JAM2: variants seen among roughly 807,000 people sequenced by gnomAD.
The protein encoded by JAM2 is junctional adhesion molecule B.
JAM2 carries 17 observed loss-of-function variants against 42.0 expected under a neutral mutation model. The ratio of observed to expected loss-of-function variants is 0.40; its 90% CI spans 0.28 to 0.61. The LOEUF (loss-of-function observed/expected upper bound fraction) is 0.61, where lower values mean the gene tolerates loss of function less well. Ranked by LOEUF, JAM2 falls within the 20% of genes least tolerant of loss-of-function variation. JAM2 has a pLI of 0.37. For missense variants in JAM2, 319 were observed against 358.3 expected, an observed-to-expected ratio of 0.89 and a Z score of 0.89; for synonymous variants, 118 against 128.6, an observed-to-expected ratio of 0.92 and a Z score of 0.56.
chr21:25,673,667 G>T (rs1348489909), intron 1 of JAM2, among the ~76,000 whole-genome samples: 1 of 152,160 alleles, frequency 6.6e-6, no homozygotes, highest in Non-Finnish European at 1.5e-5. Flanking sequence ...ACTGATTTGA[G>T]GGCAGGGAGA....
At chr21:25,706,423 C>A (rs960280153) in intron 7 of JAM2, among the ~76,000 whole-genome samples, 7 of 152,180 alleles carry the variant, frequency 4.6e-5, no homozygotes, top group African/African-American at 1.7e-4. Context: ...CTCAAGTGAT[C>A]TGCCTGCCTT....
At chr21:25,683,567 T>C (rs1160182120) in intron 1 of JAM2, among the ~76,000 whole-genome samples, 2 of 152,158 alleles carry the variant, frequency 1.3e-5, no homozygotes, top group African/African-American at 4.8e-5. Flanking sequence ...CTAGATTGCA[T>C]ATTAAGCTGA....
intron 1 of JAM2, among the ~76,000 whole-genome samples, chr21:25,675,461 A>T (rs994835128): frequency 6.6e-6 from 1 of 151,716 alleles, no homozygotes; most frequent in Non-Finnish European, 1.5e-5. Context: ...GCGCCATTGC[A>T]CTCTAGCCTT....
chr21:25,654,443 G>A (rs997863760), intron 1 of JAM2, among the ~76,000 whole-genome samples: 3 of 151,998 alleles, frequency 2.0e-5, no homozygotes, highest in Admixed American at 6.6e-5. Context: ...GAGGTCAGGA[G>A]TTGAGACCAG....
At chr21:25,710,460 G>GCCTACCCTTTGTAT (rs2034360369) in intron 8 of JAM2, among the ~76,000 whole-genome samples, 1 of 152,172 alleles carries the variant, frequency 6.6e-6, no homozygotes, top group African/African-American at 2.4e-5. Context: ...AATACAAAGG[G>GCCTACCCTTTGTAT]TAGGAGTAGA....
intron 1 of JAM2, among the ~76,000 whole-genome samples, chr21:25,679,510 T>C (rs1040241346): frequency 1.4e-4 from 22 of 152,316 alleles, no homozygotes; most frequent in Admixed American, 1.4e-3. Context: ...CTTGGGGGCA[T>C]GGTGATACCG....
chr21:25,640,806 CTTCT>C (rs1464404584), intron 1 of JAM2, among the ~76,000 whole-genome samples: 3 of 138,770 alleles, frequency 2.2e-5, no homozygotes, highest in East Asian at 4.1e-4. Context: ...CTTTCTCTTT[CTTCT>C]TTCTTTCTCT....
At chr21:25,682,002 T>C (rs2033644367) in intron 1 of JAM2, among the ~76,000 whole-genome samples, 1 of 152,160 alleles carries the variant, frequency 6.6e-6, no homozygotes, top group South Asian at 2.1e-4. Context: ...AAAAAAGAAT[T>C]GCTTGCCTTC....
At chr21:25,674,026 G>A (rs1442315319) in intron 1 of JAM2, among the ~76,000 whole-genome samples, 9 of 152,122 alleles carry the variant, frequency 5.9e-5, no homozygotes, top group South Asian at 2.1e-4. Context: ...TGTGCCTTTT[G>A]CCTTCCACCA....
chr21:25,689,019 G>GT (rs67360261), intron 2 of JAM2, among the ~76,000 whole-genome samples: 436 of 142,828 alleles, frequency 3.1e-3, no homozygotes, highest in African/African-American at 4.7e-3. Flanking sequence ...TGGGTTTTTT[G>GT]TTTTTTTTTT....
At chr21:25,667,110 C>A (rs912725324) in intron 1 of JAM2, among the ~76,000 whole-genome samples, 1 of 152,120 alleles carries the variant, frequency 6.6e-6, no homozygotes, top group African/African-American at 2.4e-5. Context: ...GCAATTTTAC[C>A]CGTGGCCAAC....
At chr21:25,664,458 C>A (rs9980064) in intron 1 of JAM2, among the ~76,000 whole-genome samples, 67,080 of 151,964 alleles carry the variant, frequency 0.44, 18,429 homozygotes, top group African/African-American at 0.76. Flanking sequence ...CTGGTCTCGA[C>A]CTCCTGGCCT....
intron 1 of JAM2, among the ~76,000 whole-genome samples, chr21:25,656,331 G>A (rs2032939255): frequency 6.6e-6 from 1 of 152,132 alleles, no homozygotes; most frequent in South Asian, 2.1e-4. Flanking sequence ...TCTTACATTT[G>A]ACACATCAAC....
At position 25,706,047 on chromosome 21, in the gene JAM2, C is replaced by A; in HGVS notation, c.766C>A (p.Leu256Ile). The change falls in exon 7 of 10, where the codon CTT becomes ATT. Residue 256 changes from leucine (L) to isoleucine (I), a missense_variant. Transcript: ENST00000480456. ...VVALVISVCG[L>I]GVCYAQRKGY... The stretch of plus-strand genomic sequence containing the variant: ...GGCCTTAGTGATTTCCGTTTGTGGC[C>A]TTGGTGTATGCTATGCTCAGAGGAA... 1.2e-6 allele frequency: 2 copies of A among 1,613,690 alleles called. No individual in the cohort carries two copies. Among genetic ancestry groups the A allele is most frequent in the Non-Finnish European group, 1.7e-6 (2 of 1,179,622 alleles).
At chr21:25,713,946 T>C (rs759032347) in intron 9 of JAM2, among the ~76,000 whole-genome samples, 6 of 152,238 alleles carry the variant, frequency 3.9e-5, no homozygotes, top group Non-Finnish European at 8.8e-5. Context: ...TTCAGTTCTC[T>C]TGTGCCCTAC....
At chr21:25,712,465 G>T in intron 9 of JAM2, 83 bp downstream of exon 9, 1 of 991,150 alleles carries the variant, frequency 1.0e-6, no homozygotes, top group Non-Finnish European at 1.6e-6. Context: ...TGGACTTTGT[G>T]AATTTTCACT....
At chr21:25,712,576 G>C (rs2034406020) in intron 9 of JAM2, among the ~76,000 whole-genome samples, 194 bp downstream of exon 9, 1 of 152,068 alleles carries the variant, frequency 6.6e-6, no homozygotes, top group African/African-American at 2.4e-5. Flanking sequence ...AAAGATACCT[G>C]GCATTTCCAA....
At position 25,664,802 on chromosome 21, in the gene JAM2, T is replaced by C. The variant is rs74722049; in HGVS notation, c.68-19081T>C. 6.9e-4 allele frequency among the ~76,000 whole-genome samples: 105 copies of C among 152,330 alleles called. 1 individual carries two copies. The highest frequency in any genetic ancestry group is 2.4e-3 in the African/African-American group (100 of 41,576). ...CTCCTTAGCATGTTAGAGGCTCCAATAAGTCCTTTTATACAATGGAGAACT... is the reference window on the plus strand; with the variant it reads ...CTCCTTAGCATGTTAGAGGCTCCAACAAGTCCTTTTATACAATGGAGAACT... On this transcript the variant is annotated intron_variant, in intron 1 of 9. Transcript: ENST00000480456.
At chr21:25,688,045 T>C (rs1207054985) in intron 2 of JAM2, among the ~76,000 whole-genome samples, 3 of 152,254 alleles carry the variant, frequency 2.0e-5, no homozygotes, top group Non-Finnish European at 4.4e-5. Flanking sequence ...GAACAATGCA[T>C]GGCAGACAGT....
Sources: allele counts gnomAD v4.1 joint callset (sites outside exome capture counted in the v4.1 genomes callset), GRCh38; gene constraint gnomAD v4.1.1; transcripts MANE v1.5; gene names NCBI Gene and HGNC (gene_info 2026-07-23, HGNC 2026-07-21).